LIPE: variants seen among roughly 807,000 people sequenced by gnomAD.
The protein encoded by LIPE is hormone-sensitive lipase.
A neutral mutation model predicts 88.5 loss-of-function variants in LIPE; 66 were observed. The ratio of observed to expected loss-of-function variants is 0.75; its 90% CI spans 0.61 to 0.91. LIPE has a LOEUF of 0.91. LIPE is among the 40% of genes least tolerant of loss of function. The pLI, the probability that LIPE is intolerant of heterozygous loss-of-function variation, is 0.00. For synonymous variants in LIPE, 570 were observed against 617.5 expected (o/e 0.92, Z 1.14); for missense variants, 1,346 against 1,434.7 (o/e 0.94, Z 1.00).
intron 2 of LIPE, among the ~76,000 whole-genome samples, chr19:42,409,210 C>T (rs538324561): frequency 4.5e-4 from 68 of 151,892 alleles, no homozygotes; most frequent in Non-Finnish European, 7.4e-4. Context: ...CCAGCCACCA[C>T]GGGGGCAGGG....
intron 1 of LIPE, chr19:42,411,431 C>T (rs1051907952): frequency 2.5e-5 from 15 of 606,594 alleles, no homozygotes; most frequent in East Asian, 2.8e-4. Context: ...CCCAGGAGTC[C>T]GGGTCCCCCA....
chr19:42,410,441 CGTAGTAGACCAGAGCGCGGAGCTGGGT>C lies in LIPE; in HGVS notation c.1258_1284del (p.Thr420_Tyr428del), dbSNP rs759809816. 1.2e-6 allele frequency: 2 copies of C among 1,614,146 alleles called. No individual in the cohort carries two copies. The highest frequency in any genetic ancestry group is 1.7e-6 in the Non-Finnish European group (2 of 1,180,042). On this transcript the variant is annotated inframe_deletion, in exon 2 of 10. Coordinates refer to ENST00000244289, the MANE Select transcript of LIPE (RefSeq NM_005357.4). The surrounding 1 kb of genome is among the most constrained non-coding windows in gnomAD (Gnocchi z 6.1). ...CGATTGGTAACCAGCAGGCGCTGGGCGTAGTAGACCAGAGCGCGGAGCTGGGTGAGGGCAGCCAGGTAGGCCTCCAGC... is the reference window on the plus strand; with the variant it reads ...CGATTGGTAACCAGCAGGCGCTGGGCGAGGGCAGCCAGGTAGGCCTCCAGC...
rs2040277565 is a variant in LIPE at position 42,408,808 on chromosome 19, A to C, written c.1420-486T>G. ...CACTGCACTCCAGCCTGGGCGACAG[A>C]GCGAGACTCTGTCTCTAAAAAAAAA... On this transcript the variant is annotated intron_variant, in intron 2 of 9. Transcript: ENST00000244289. The surrounding 1 kb of genome is among the most constrained non-coding windows in gnomAD (Gnocchi z 4.3). Among the ~76,000 whole-genome samples, 1 of 149,182 alleles carries C rather than the reference A, an allele frequency of 6.7e-6. No homozygotes were observed. Among genetic ancestry groups the C allele is most frequent in the Admixed American group, 6.7e-5 (1 of 14,972 alleles).
In LIPE at chr19:42,408,872, G is replaced by A. The variant is rs143010763; in HGVS notation, c.1420-550C>T. ...ATGCTTGGTGCTTGACCTGGGTAGC[G>A]ACAGTCAGGGGGCCAGTGTGGCTGG... is the stretch of plus-strand genomic sequence containing the variant. On this transcript the variant is annotated intron_variant, in intron 2 of 9. Transcript: ENST00000244289. The surrounding 1 kb of genome is among the most constrained non-coding windows in gnomAD (Gnocchi z 4.3). 2.6e-5 allele frequency among the ~76,000 whole-genome samples: 4 copies of A among 151,940 alleles called. No homozygotes were observed. Among genetic ancestry groups the A allele is most frequent in the African/African-American group, 7.2e-5 (3 of 41,384 alleles).
intron 1 of LIPE, chr19:42,423,783 C>G: frequency 9.0e-7 from 1 of 1,110,720 alleles, no homozygotes; most frequent in South Asian, 2.1e-5. Flanking sequence ...AACAAAAAGG[C>G]AACCCCGGGG....
intron 9 of LIPE, 50 bp from the exon 10 acceptor site, chr19:42,402,125 CCGGGGT>C: frequency 7.1e-7 from 1 of 1,415,028 alleles, no homozygotes; most frequent in African/African-American, 1.5e-5. Context: ...GACAGACAGA[CCGGGGT>C]CGGGTAGAGC....
At position 42,406,291 on chromosome 19, in the gene LIPE, C is replaced by T. The variant is rs1163184595; in HGVS notation, c.2235G>A (p.Val745=). 2.5e-6 allele frequency: 4 copies of T among 1,613,942 alleles called. No homozygotes were observed. The highest frequency in any genetic ancestry group is 2.2e-5 in the East Asian group (1 of 44,884). ...ALRAAAYGVR[V]PDGIMAAYPA... is the part of the protein sequence containing the mutation. ...GGTAGGCTGCCATGATGCCATCTGG[C>T]ACCCGCACCCCGTAGGCTGCTGCCC... is the stretch of plus-strand genomic sequence containing the variant. Residue 745 remains valine, a synonymous_variant, in exon 7 of 10, where the codon GTG becomes GTA. Coordinates refer to ENST00000244289, the MANE Select transcript of LIPE (RefSeq NM_005357.4). This position sits in a 1 kb window ranked among gnomAD's most constrained non-coding sequence, Gnocchi z 5.7.
rs2040440109 is a variant in LIPE, at chr19:42,414,094, T to C, written c.884-3252A>G. Among the ~76,000 whole-genome samples the C allele has an allele frequency of 6.6e-6, 1 of 151,964 alleles. No homozygotes were observed. Among genetic ancestry groups the C allele is most frequent in the African/African-American group, 2.4e-5 (1 of 41,368 alleles). On this transcript the variant is annotated intron_variant, in intron 1 of 9. Transcript: ENST00000244289. This position sits in a 1 kb window ranked among gnomAD's most constrained non-coding sequence, Gnocchi z 4.6. ...GAGATCGAGACCATCCTGGCCAACA[T>C]GCTGAAACCCCGTCTCTACTAAAAA... is the stretch of plus-strand genomic sequence containing the variant.
In LIPE at chr19:42,407,617, G is replaced by A. The variant is rs34052647; in HGVS notation, c.1831C>T (p.Arg611Cys). The A allele has an allele frequency of 4.1e-3, 6,664 of 1,608,150 alleles. 197 individuals are homozygous for A. The East Asian group carries it at 0.062, about 15-fold the overall frequency. The change falls in exon 5 of 10, where the codon CGT (arginine) becomes TGT (cysteine). Residue 611 changes from arginine to cysteine, a missense_variant. Physicochemically the swap from Arg to Cys is radical, Grantham distance 180. Transcript: ENST00000244289. The surrounding 1 kb of genome is among the most constrained non-coding windows in gnomAD (Gnocchi z 5.8). ...GGCTGGAACCCTACCTGTCCTTCAC[G>A]CAGGTCATAGGAGATGAGCCTGACG... ...VLVRLISYDL[R>C]EGQDSEELSS... is the part of the protein sequence containing the mutation.
chr19:42,423,072 G>A (rs1322323207), intron 1 of LIPE: 4 of 256,242 alleles, frequency 1.6e-5, no homozygotes, highest in African/African-American at 4.7e-5. Context: ...CCTGAACATC[G>A]GCGCTTGAAG....
intron 7 of LIPE, 110 bp from the exon 8 acceptor site, chr19:42,405,671 T>G: frequency 8.2e-6 from 9 of 1,102,310 alleles, no homozygotes; most frequent in Non-Finnish European, 1.3e-6. Flanking sequence ...ATCCAATCGC[T>G]TCAAAAGGGA....
At chr19:42,405,926 C>T in intron 7 of LIPE, 1 of 576,946 alleles carries the variant, frequency 1.7e-6, no homozygotes, top group Non-Finnish European at 3.1e-6. Context: ...AGCCACTGCA[C>T]TCAGCCTGAG....
In LIPE at chr19:42,402,661, C is replaced by T. The variant is rs2040021232; in HGVS notation, c.2913G>A (p.Ser971=). The change falls in exon 9 of 10, where the codon TCG becomes TCA. Residue 971 remains serine, a synonymous_variant. Coordinates refer to ENST00000244289, the MANE Select transcript of LIPE (RefSeq NM_005357.4). Reference sequence around the variant, plus strand: ...GCATGCTGTCGGGTGCCAGCAGCGGCGACATGAAGGGGTTCTTGACTATGG... The same window carrying T: ...GCATGCTGTCGGGTGCCAGCAGCGGTGACATGAAGGGGTTCTTGACTATGG... ...SSPIVKNPFM[S]PLLAPDSMLK... 5 of 1,498,486 alleles carry T rather than the reference C, an allele frequency of 3.3e-6. No homozygotes were observed. The highest frequency in any genetic ancestry group is 1.4e-5 in the African/African-American group (1 of 71,156). The allele number at this position is 1,498,486 out of a possible 1,614,324, so 92.8% of individuals were successfully genotyped here.
In LIPE at chr19:42,401,717, A is replaced by T. The variant is rs1450329656; in HGVS notation, c.*95T>A. 1.3e-4 allele frequency: 4 copies of T among 31,546 alleles called. No individual in the cohort carries two copies. The highest frequency in any genetic ancestry group is 2.4e-4 in the African/African-American group (1 of 4,174). 2.0% of individuals were successfully genotyped at this position (31,546 alleles called of 1,614,324 possible). A position where few individuals can be genotyped will look rare whatever the true frequency, so the allele number is the denominator to read the frequency against. The stretch of plus-strand genomic sequence containing the variant: ...CGGGCCCCCGCCCCGCCCCCTTGCC[A>T]CCCCCGACTTAAGTAAGGCACAGCC... On this transcript the variant is annotated 3_prime_UTR_variant, in exon 10 of 10. Transcript: ENST00000244289.
At chr19:42,413,078 T>C (rs2040417412) in intron 1 of LIPE, among the ~76,000 whole-genome samples, 1 of 152,304 alleles carries the variant, frequency 6.6e-6, no homozygotes, top group Non-Finnish European at 1.5e-5. Flanking sequence ...GAGAGAGAGA[T>C]TCCTCACCCA....
intron 1 of LIPE, among the ~76,000 whole-genome samples, chr19:42,412,815 G>A (rs540018363): frequency 6.6e-6 from 1 of 152,302 alleles, no homozygotes; most frequent in South Asian, 2.1e-4. Context: ...CTCAGCTCCC[G>A]CCTCCTAGTC....
In LIPE at chr19:42,401,717, A is replaced by AAG; in HGVS notation, c.*94_*95insCT. The AAG allele has an allele frequency of 3.3e-5, 1 of 30,756 alleles. No homozygotes were observed. The highest frequency in any genetic ancestry group is 6.0e-5 in the Non-Finnish European group (1 of 16,634). The allele number at this position is 30,756 out of a possible 1,614,324, so 1.9% of individuals were successfully genotyped here. On this transcript the variant is annotated 3_prime_UTR_variant, in exon 10 of 10. Coordinates refer to ENST00000244289, the MANE Select transcript of LIPE (RefSeq NM_005357.4). ...CGGGCCCCCGCCCCGCCCCCTTGCC[A>AAG]CCCCCGACTTAAGTAAGGCACAGCC...
Position 42,424,497 on chromosome 19 carries a change from C to T in LIPE, c.883+1770G>A, listed in dbSNP as rs200943869. 3.2e-4 allele frequency: 147 copies of T among 456,360 alleles called. No individual in the cohort carries two copies. In the East Asian group the frequency reaches 7.8e-3, roughly 24 times the overall value. The allele number at this position is 456,360 out of a possible 1,614,324, so 28.3% of individuals were successfully genotyped here. A position where few individuals can be genotyped will look rare whatever the true frequency, so the allele number is the denominator to read the frequency against. On this transcript the variant is annotated intron_variant, in intron 1 of 9. Transcript: ENST00000244289. ...AGGCCTGGAGAAACAGCTTTCTATC[C>T]TCAGCACTGGGGAGAGCAGGCCTCA... is the stretch of plus-strand genomic sequence containing the variant.
At position 42,401,780 on chromosome 19, in the gene LIPE, C is replaced by T. The variant is rs990012675; in HGVS notation, c.*32G>A. On this transcript the variant is annotated 3_prime_UTR_variant, in exon 10 of 10. Transcript: ENST00000244289. Reference sequence around the variant, plus strand: ...CGCCCGGCCCGGAAGGCATTCATGACGGAGGCCGGCGCAGATGGGAACAAC... The same window carrying T: ...CGCCCGGCCCGGAAGGCATTCATGATGGAGGCCGGCGCAGATGGGAACAAC... 5.3e-6 allele frequency: 7 copies of T among 1,331,186 alleles called. No individual in the cohort carries two copies. Among genetic ancestry groups the T allele is most frequent in the Admixed American group, 3.2e-5 (1 of 31,548 alleles). The allele number at this position is 1,331,186 out of a possible 1,614,324, so 82.5% of individuals were successfully genotyped here.
Sources: allele counts gnomAD v4.1 joint callset (sites outside exome capture counted in the v4.1 genomes callset), GRCh38; gene constraint gnomAD v4.1.1; non-coding constraint Gnocchi (gnomAD v3.1); transcripts MANE v1.5; gene names NCBI Gene and HGNC (gene_info 2026-07-23, HGNC 2026-07-21).